The following RAPGEF6 variants were observed in gnomAD, a reference collection of about 807,000 sequenced individuals.
RAPGEF6 encodes Rap guanine nucleotide exchange factor 6.
A neutral mutation model predicts 171.4 loss-of-function variants in RAPGEF6; 56 were observed. That is an observed-to-expected ratio of 0.33 (90% CI 0.26 to 0.41). The LOEUF (loss-of-function observed/expected upper bound fraction) is 0.41. Among genes scored for constraint, RAPGEF6 ranks in the 10% least tolerant of loss-of-function variants. The pLI, the probability that RAPGEF6 is intolerant of heterozygous loss-of-function variation, is 1.00. For synonymous variants in RAPGEF6, 692 were observed against 650.1 expected (o/e 1.06, Z -0.98); for missense variants, 1,674 against 1,921.4 (o/e 0.87, Z 2.41).
At chr5:131,560,947 C>A (rs1761559453) in intron 5 of RAPGEF6, among the ~76,000 whole-genome samples, 1 of 152,184 alleles carries the variant, frequency 6.6e-6, no homozygotes. Context: ...TAAAATGCTT[C>A]ATTAAGAATT....
At chr5:131,551,276 G>A (rs1341982350) in intron 5 of RAPGEF6, among the ~76,000 whole-genome samples, 1 of 152,142 alleles carries the variant, frequency 6.6e-6, no homozygotes, top group Non-Finnish European at 1.5e-5. Context: ...CACTTTGGGA[G>A]GCTGAGGCGG....
intron 4 of RAPGEF6, among the ~76,000 whole-genome samples, chr5:131,586,850 G>C (rs551447955): frequency 6.6e-6 from 1 of 152,270 alleles, no homozygotes; most frequent in East Asian, 1.9e-4. Flanking sequence ...AATGCAACTT[G>C]GAATTAACAA....
intron 15 of RAPGEF6, among the ~76,000 whole-genome samples, chr5:131,489,002 T>A (rs1561505210): frequency 2.0e-5 from 3 of 152,148 alleles, no homozygotes; most frequent in East Asian, 1.9e-4. Flanking sequence ...AATATAAACA[T>A]GATAAAAACA....
At chr5:131,429,691 G>A (rs1751578294) in intron 26 of RAPGEF6, among the ~76,000 whole-genome samples, 1 of 152,126 alleles carries the variant, frequency 6.6e-6, no homozygotes, top group Non-Finnish European at 1.5e-5. Context: ...GCACTCCTGG[G>A]CAGATTAGTT....
intron 4 of RAPGEF6, among the ~76,000 whole-genome samples, chr5:131,574,919 T>C (rs180700702): frequency 8.9e-4 from 135 of 152,302 alleles, no homozygotes; most frequent in Non-Finnish European, 1.5e-3. Context: ...TGTTACAGCA[T>C]GGCCTTTTAA....
chr5:131,598,173 AACT>A (rs1160503457), intron 3 of RAPGEF6, among the ~76,000 whole-genome samples: 1 of 152,186 alleles, frequency 6.6e-6, no homozygotes, highest in African/African-American at 2.4e-5. Flanking sequence ...AGAATTGAAA[AACT>A]ACAATTAAAA....
intron 17 of RAPGEF6, among the ~76,000 whole-genome samples, chr5:131,469,264 T>G (rs1298885592): frequency 6.6e-6 from 1 of 152,198 alleles, no homozygotes; most frequent in African/African-American, 2.4e-5. Flanking sequence ...AAGTAAATAA[T>G]AACTAAATTC....
intron 24 of RAPGEF6, chr5:131,435,843 T>C: frequency 7.0e-7 from 1 of 1,425,946 alleles, no homozygotes; most frequent in South Asian, 1.5e-5. Flanking sequence ...TTATAAATAG[T>C]ATTTTACTAA....
rs1213197168 is a variant in RAPGEF6, at chr5:131,424,644, G to C, written c.*2622C>G. The C allele has an allele frequency of 3.3e-5, 5 of 152,186 alleles. No homozygotes were observed. Among genetic ancestry groups the C allele is most frequent in the Admixed American group, 1.3e-4 (2 of 15,260 alleles). 9.4% of individuals were successfully genotyped at this position (152,186 alleles called of 1,614,324 possible). On this transcript the variant is annotated 3_prime_UTR_variant, in exon 28 of 28. Coordinates refer to ENST00000509018, the MANE Select transcript of RAPGEF6 (RefSeq NM_016340.6). Reference sequence around the variant, plus strand: ...TCACCCTCAAGAAAATTCACTAAAGGCTTTTTCTCCCCAAAGATCATATTG... The same window carrying C: ...TCACCCTCAAGAAAATTCACTAAAGCCTTTTTCTCCCCAAAGATCATATTG...
chr5:131,440,102 C>A (rs562734182), intron 23 of RAPGEF6: 3 of 401,338 alleles, frequency 7.5e-6, no homozygotes, highest in Non-Finnish European at 1.5e-5. Flanking sequence ...GTCGGGGCGA[C>A]GCATGTGGCA....
At chr5:131,506,265 T>C (rs1414881098) in intron 9 of RAPGEF6, among the ~76,000 whole-genome samples, 1 of 152,186 alleles carries the variant, frequency 6.6e-6, no homozygotes, top group Non-Finnish European at 1.5e-5. Flanking sequence ...CTCAGCCTTC[T>C]GAATAGCTGG....
At chr5:131,548,767 G>A (rs748767639) in intron 5 of RAPGEF6, among the ~76,000 whole-genome samples, 1 of 152,160 alleles carries the variant, frequency 6.6e-6, no homozygotes, top group African/African-American at 2.4e-5. Flanking sequence ...CAACAGCCCT[G>A]TAAGCAGGTA....
chr5:131,579,550 C>T (rs916537006), intron 4 of RAPGEF6, among the ~76,000 whole-genome samples: 1 of 152,198 alleles, frequency 6.6e-6, no homozygotes, highest in South Asian at 2.1e-4. Flanking sequence ...GGTGCATTTA[C>T]AATCCTCTAG....
chr5:131,556,979 G>A lies in RAPGEF6; in HGVS notation c.351+4999C>T, dbSNP rs536815949. On this transcript the variant is annotated intron_variant, in intron 5 of 27. Transcript: ENST00000509018. ...AAGTGTTTTGTTTGTTGGTTTTATA[G>A]ACGGGAGTCTATGTTGCCCAGGCTG... Among the ~76,000 whole-genome samples, 111 of 152,066 alleles carry A rather than the reference G, an allele frequency of 7.3e-4. 1 individual carries two copies. Among genetic ancestry groups the A allele is most frequent in the Non-Finnish European group, 1.1e-3 (72 of 67,998 alleles).
At chr5:131,501,025 G>A (rs1222074344) in intron 11 of RAPGEF6, among the ~76,000 whole-genome samples, 1 of 152,034 alleles carries the variant, frequency 6.6e-6, no homozygotes, top group African/African-American at 2.4e-5. Context: ...AGCCCACCTT[G>A]GCCTCCCAAA....
chr5:131,435,167 T>C (rs551561594), intron 24 of RAPGEF6, among the ~76,000 whole-genome samples: 13 of 152,356 alleles, frequency 8.5e-5, no homozygotes, highest in Middle Eastern at 3.4e-3. Context: ...TTAAGTCGTT[T>C]CGTTAACTAT....
At chr5:131,476,142 T>C (rs932892052) in intron 16 of RAPGEF6, among the ~76,000 whole-genome samples, 24 of 152,264 alleles carry the variant, frequency 1.6e-4, no homozygotes, top group Middle Eastern at 3.2e-3. Flanking sequence ...TTCTGATGTG[T>C]AGTAGAATTT....
chr5:131,602,236 T>C (rs914276932), intron 3 of RAPGEF6, among the ~76,000 whole-genome samples: 4 of 152,164 alleles, frequency 2.6e-5, no homozygotes, highest in Non-Finnish European at 2.9e-5. Flanking sequence ...TAGCCTACTA[T>C]ACATCTAGGT....
chr5:131,450,139 C>T, intron 21 of RAPGEF6: 3 of 1,258,870 alleles, frequency 2.4e-6, no homozygotes, highest in Non-Finnish European at 3.3e-6. Flanking sequence ...ACTATGCAGA[C>T]AGAAAAGAAC....
Sources: allele counts gnomAD v4.1 joint callset (sites outside exome capture counted in the v4.1 genomes callset), GRCh38; gene constraint gnomAD v4.1.1; transcripts MANE v1.5; gene names NCBI Gene and HGNC (gene_info 2026-07-23, HGNC 2026-07-21).